The following DCP1A variants were observed in gnomAD, a reference collection of about 807,000 sequenced individuals.
DCP1A encodes the protein mRNA-decapping enzyme 1A.
DCP1A carries 20 observed loss-of-function variants against 58.0 expected under a neutral mutation model. The observed-to-expected ratio is 0.34, with a 90% CI of 0.24 to 0.50. The LOEUF is 0.50. DCP1A is among the 20% of genes least tolerant of loss of function. The probability of loss-of-function intolerance (pLI) is 0.98; values close to 1 mark genes in which losing one functional copy is unlikely to be tolerated. For missense variants in DCP1A, 613 were observed against 712.2 expected, an observed-to-expected ratio of 0.86 and a Z score of 1.59; for synonymous variants, 285 against 275.1, an observed-to-expected ratio of 1.04 and a Z score of -0.36.
At chr3:53,302,248 G>C (rs1297476908) in intron 6 of DCP1A, among the ~76,000 whole-genome samples, 4 of 152,156 alleles carry the variant, frequency 2.6e-5, no homozygotes, top group Non-Finnish European at 5.9e-5. Context: ...GGATCTTTCT[G>C]CATTATTTCT....
At chr3:53,312,068 A>G (rs1707661204) in intron 5 of DCP1A, among the ~76,000 whole-genome samples, 173 bp downstream of exon 5, 1 of 152,122 alleles carries the variant, frequency 6.6e-6, no homozygotes, top group Admixed American at 6.6e-5. Flanking sequence ...TTCCTTCCTC[A>G]GCCTGCCAAG....
At chr3:53,335,140 TTTTA>T (rs1217843510) in intron 3 of DCP1A, among the ~76,000 whole-genome samples, 34 of 151,240 alleles carry the variant, frequency 2.2e-4, no homozygotes, top group Admixed American at 7.9e-4. Context: ...TTTTTTTTAT[TTTTA>T]TTTATTTATT....
chr3:53,333,054 C>A (rs1191425789), intron 3 of DCP1A: 2 of 149,226 alleles, frequency 1.3e-5, no homozygotes, highest in East Asian at 2.0e-4. Context: ...ATTTTTTTTT[C>A]TTTTTTCTCC....
chr3:53,322,158 A>C (rs1707986073), intron 3 of DCP1A, among the ~76,000 whole-genome samples: 1 of 152,130 alleles, frequency 6.6e-6, no homozygotes, highest in Non-Finnish European at 1.5e-5. Context: ...TTAACTTTAA[A>C]AGTTTCCTTC....
At chr3:53,345,592 T>C (rs902157930) in intron 1 of DCP1A, among the ~76,000 whole-genome samples, 3 of 152,158 alleles carry the variant, frequency 2.0e-5, no homozygotes, top group Non-Finnish European at 2.9e-5. Context: ...CAGTGTTTTT[T>C]AAAAAATAAA....
intron 3 of DCP1A, among the ~76,000 whole-genome samples, chr3:53,335,265 T>C (rs1463699074): frequency 6.6e-6 from 1 of 152,012 alleles, no homozygotes; most frequent in Non-Finnish European, 1.5e-5. Context: ...CTCAGCCTCC[T>C]GAGTAGCTGG....
At position 53,285,833 on chromosome 3, in the gene DCP1A, C is replaced by T. The variant is rs1706613724; in HGVS notation, c.*1747G>A. 1 of 152,154 alleles carries T rather than the reference C, an allele frequency of 6.6e-6. No homozygotes were observed. The highest frequency in any genetic ancestry group is 1.5e-5 in the Non-Finnish European group (1 of 68,022). The allele number at this position is 152,154 out of a possible 1,614,324, so 9.4% of individuals were successfully genotyped here. On this transcript the variant is annotated 3_prime_UTR_variant, in exon 10 of 10. Coordinates refer to ENST00000610213, the MANE Select transcript of DCP1A (RefSeq NM_018403.7). The stretch of plus-strand genomic sequence containing the variant: ...CCGGTGTCAGCAACACTCTGTATCC[C>T]ACTATAGCTTTCTCGTTCCCAGATG...
intron 6 of DCP1A, among the ~76,000 whole-genome samples, chr3:53,300,672 G>C (rs781914117): frequency 6.6e-6 from 1 of 151,626 alleles, no homozygotes; most frequent in Non-Finnish European, 1.5e-5. Flanking sequence ...TTTTGAAACA[G>C]GGTCTCCCTT....
intron 1 of DCP1A, among the ~76,000 whole-genome samples, chr3:53,345,500 C>A (rs1184101671): frequency 6.6e-6 from 1 of 152,088 alleles, no homozygotes; most frequent in Non-Finnish European, 1.5e-5. Flanking sequence ...TGAAAGTATA[C>A]CCTGCCTCAG....
rs781821093 is a variant in DCP1A at position 53,286,511 on chromosome 3, A to C, written c.*1069T>G. ...TAACAAAGCTTCTTTACATATTTTCACACTTTGGGCCGGGAAAGTACTCAC... is the reference window on the plus strand; with the variant it reads ...TAACAAAGCTTCTTTACATATTTTCCCACTTTGGGCCGGGAAAGTACTCAC... On this transcript the variant is annotated 3_prime_UTR_variant, in exon 10 of 10. Transcript: ENST00000610213. 1 of 152,260 alleles carries C rather than the reference A, an allele frequency of 6.6e-6. No individual in the cohort carries two copies. Among genetic ancestry groups the C allele is most frequent in the Non-Finnish European group, 1.5e-5 (1 of 68,044 alleles). The allele number at this position is 152,260 out of a possible 1,614,324, so 9.4% of individuals were successfully genotyped here.
intron 6 of DCP1A, among the ~76,000 whole-genome samples, chr3:53,302,079 T>C (rs1707327878): frequency 1.3e-5 from 2 of 152,062 alleles, no homozygotes; most frequent in Admixed American, 6.6e-5. Context: ...GTAGTGGATA[T>C]ACAAAAAGCT....
intron 3 of DCP1A, among the ~76,000 whole-genome samples, chr3:53,321,587 C>T (rs142127215): frequency 0.016 from 2,373 of 152,144 alleles, 63 homozygotes; most frequent in African/African-American, 0.054. Flanking sequence ...GGCATGGTAG[C>T]GCATGCCCGT....
chr3:53,341,285 T>C (rs1355237140), intron 3 of DCP1A, among the ~76,000 whole-genome samples: 4 of 151,826 alleles, frequency 2.6e-5, no homozygotes, highest in Admixed American at 2.0e-4. Flanking sequence ...AAACCCCTTC[T>C]CTACCAAAAA....
chr3:53,318,236 T>C (rs553742148), intron 4 of DCP1A, among the ~76,000 whole-genome samples: 1 of 152,148 alleles, frequency 6.6e-6, no homozygotes, highest in South Asian at 2.1e-4. Context: ...GCCCAGAAGT[T>C]TGAGGCTGCA....
chr3:53,342,995 C>T (rs1401054242), intron 2 of DCP1A, among the ~76,000 whole-genome samples: 2 of 152,168 alleles, frequency 1.3e-5, no homozygotes, highest in African/African-American at 2.4e-5. Flanking sequence ...CTGAGTTAGA[C>T]GGAAAATGCC....
At chr3:53,314,560 T>A (rs1219303398) in intron 4 of DCP1A, among the ~76,000 whole-genome samples, 1 of 152,136 alleles carries the variant, frequency 6.6e-6, no homozygotes, top group South Asian at 2.1e-4. Context: ...CCTCCTGACA[T>A]GTTGCCTGAC....
At chr3:53,347,329 C>A (rs998888338) in intron 1 of DCP1A, 54 bp downstream of exon 1, 7 of 1,484,748 alleles carry the variant, frequency 4.7e-6, no homozygotes, top group Non-Finnish European at 6.3e-6. Context: ...CGCGCGGCCC[C>A]TTTAAGAGAC....
chr3:53,326,656 T>C (rs1708111305), intron 3 of DCP1A, among the ~76,000 whole-genome samples: 1 of 152,202 alleles, frequency 6.6e-6, no homozygotes, highest in Non-Finnish European at 1.5e-5. Flanking sequence ...TTGTGGCTCC[T>C]TATGAGAATC....
At chr3:53,346,692 G>C (rs936616224) in intron 1 of DCP1A, among the ~76,000 whole-genome samples, 1 of 152,128 alleles carries the variant, frequency 6.6e-6, no homozygotes, top group African/African-American at 2.4e-5. Context: ...TGAGTCCGAG[G>C]GGAGCATTCA....
Sources: allele counts gnomAD v4.1 joint callset (sites outside exome capture counted in the v4.1 genomes callset), GRCh38; gene constraint gnomAD v4.1.1; transcripts MANE v1.5; gene names NCBI Gene and HGNC (gene_info 2026-07-23, HGNC 2026-07-21).